SHISA9: variants seen among roughly 807,000 people sequenced by gnomAD.
The protein encoded by SHISA9 is shisa family member 9, also known as protein shisa-9.
In SHISA9, 13 loss-of-function variants were observed where a neutral mutation model predicts 38.0. That is an observed-to-expected ratio of 0.34 (90% confidence interval 0.22 to 0.54). SHISA9 has a LOEUF of 0.54. Among genes scored for constraint, SHISA9 ranks in the 20% least tolerant of loss-of-function variants. SHISA9 has a pLI of 0.91. For synonymous variants in SHISA9, 275 were observed against 242.0 expected, an observed-to-expected ratio of 1.14 and a Z score of -1.27; for missense variants, 538 against 575.8, an observed-to-expected ratio of 0.93 and a Z score of 0.67.
intron 2 of SHISA9, among the ~76,000 whole-genome samples, chr16:12,982,298 T>TC (rs1436534473): frequency 9.2e-5 from 14 of 152,336 alleles, no homozygotes; most frequent in African/African-American, 3.1e-4. Flanking sequence ...AAATTCAGTT[T>TC]CTCTGTCACA....
chr16:13,201,368 T>C lies in SHISA9; in HGVS notation c.692-2026T>C, dbSNP rs534876855. Among the ~76,000 whole-genome samples the C allele has an allele frequency of 2.7e-4, 37 of 136,502 alleles. 2 individuals are homozygous for C. In the South Asian group the frequency reaches 8.3e-3, roughly 31 times the overall value. The allele number at this position is 136,502 out of a possible 152,430, so 89.6% of individuals were successfully genotyped here. A position where few individuals can be genotyped will look rare whatever the true frequency, so the allele number is the denominator to read the frequency against. Reference sequence around the variant, plus strand: ...ATCTCTAGATTACTTATAATACTAGTACAACACAGATGTTATGTAAATAGT... The same window carrying C: ...ATCTCTAGATTACTTATAATACTAGCACAACACAGATGTTATGTAAATAGT... On this transcript the variant is annotated intron_variant, in intron 2 of 4. Transcript: ENST00000558583.
At chr16:13,389,948 T>C in the SHISA9 span, among the ~76,000 whole-genome samples, 3 of 152,192 alleles carry the variant, frequency 2.0e-5, no homozygotes, top group Non-Finnish European at 4.4e-5. Flanking sequence ...TCCATTCTTT[T>C]TTCCACTTAC....
intron 2 of SHISA9, among the ~76,000 whole-genome samples, chr16:13,093,278 A>G (rs1396852304): frequency 6.6e-6 from 1 of 152,182 alleles, no homozygotes; most frequent in East Asian, 1.9e-4. Context: ...GCCTGTCACT[A>G]TAACTGTTGG....
downstream of SHISA9, among the ~76,000 whole-genome samples, chr16:13,243,769 G>C (rs1022396878): frequency 5.6e-5 from 5 of 89,824 alleles, no homozygotes; most frequent in African/African-American, 1.9e-4. Context: ...TTACAGCAGC[G>C]TTTTTTTTTT....
chr16:13,062,336 A>G (rs939545747), intron 2 of SHISA9, among the ~76,000 whole-genome samples: 1 of 152,172 alleles, frequency 6.6e-6, no homozygotes, highest in African/African-American at 2.4e-5. Context: ...GATAAATCCT[A>G]TGGACAAAGA....
chr16:13,211,975 C>A (rs1277401302), intron 3 of SHISA9, among the ~76,000 whole-genome samples: 5 of 152,146 alleles, frequency 3.3e-5, no homozygotes. Context: ...TTAACTTCCT[C>A]ACTCTTCTCT....
At position 12,998,421 on chromosome 16, in the gene SHISA9, G is replaced by T. The variant is rs1334158521; in HGVS notation, c.691+81606G>T. Among the ~76,000 whole-genome samples the T allele has an allele frequency of 2.6e-5, 4 of 152,194 alleles. No individual in the cohort carries two copies. In the South Asian group the frequency reaches 8.3e-4, roughly 32 times the overall value. Reference sequence around the variant, plus strand: ...TGACCCAGCCTCCTTTTGGTATGTAGCTCTACCATCCCTTGGGGTAAAGGT... The same window carrying T: ...TGACCCAGCCTCCTTTTGGTATGTATCTCTACCATCCCTTGGGGTAAAGGT... On this transcript the variant is annotated intron_variant, in intron 2 of 4. Transcript: ENST00000558583.
chr16:13,070,318 T>G (rs2073498399), intron 2 of SHISA9, among the ~76,000 whole-genome samples: 1 of 152,088 alleles, frequency 6.6e-6, no homozygotes, highest in Non-Finnish European at 1.5e-5. Context: ...CTCTCCTCCT[T>G]CCGTATGCCC....
At chr16:13,218,053 TAGGAAGGA>T (rs1190446770) in intron 4 of SHISA9, among the ~76,000 whole-genome samples, 3 of 149,092 alleles carry the variant, frequency 2.0e-5, no homozygotes, top group Non-Finnish European at 3.0e-5. Flanking sequence ...GGAAGGAAGG[TAGGAAGGA>T]AGGAAGGAAA....
the SHISA9 span, among the ~76,000 whole-genome samples, chr16:13,490,181 G>C: frequency 6.6e-6 from 1 of 152,124 alleles, no homozygotes; most frequent in African/African-American, 2.4e-5. Context: ...GATGATGTTG[G>C]CAGAAGCCAT....
intron 2 of SHISA9, among the ~76,000 whole-genome samples, chr16:13,110,960 A>G (rs1210929042): frequency 1.3e-5 from 2 of 152,208 alleles, no homozygotes; most frequent in African/African-American, 4.8e-5. Context: ...GTAAACTCAG[A>G]CATACAAGAG....
the SHISA9 span, among the ~76,000 whole-genome samples, chr16:13,361,162 G>A: frequency 1.3e-5 from 2 of 152,146 alleles, no homozygotes; most frequent in South Asian, 4.1e-4. Context: ...TCAAGATTAA[G>A]AAGGTACACC....
chr16:13,386,683 G>A, the SHISA9 span, among the ~76,000 whole-genome samples: 9 of 152,114 alleles, frequency 5.9e-5, no homozygotes, highest in East Asian at 1.9e-4. Flanking sequence ...TTATACAAAC[G>A]ATGTTATGCT....
intron 4 of SHISA9, among the ~76,000 whole-genome samples, chr16:13,228,486 C>T (rs935545462): frequency 6.6e-6 from 1 of 152,274 alleles, no homozygotes; most frequent in South Asian, 2.1e-4. Flanking sequence ...GAAACAGGAA[C>T]CATTGAATGC....
intron 2 of SHISA9, among the ~76,000 whole-genome samples, chr16:13,037,871 G>C (rs974947098): frequency 2.0e-5 from 3 of 152,140 alleles, no homozygotes; most frequent in Non-Finnish European, 2.9e-5. Context: ...AAAAATCAGA[G>C]CCCTGACTAC....
the SHISA9 span, among the ~76,000 whole-genome samples, chr16:13,276,787 G>T: frequency 5.2e-4 from 79 of 152,056 alleles, no homozygotes; most frequent in African/African-American, 1.8e-3. Flanking sequence ...TTACTGATTT[G>T]TTTGAGTTAG....
At chr16:13,439,028 G>A in the SHISA9 span, among the ~76,000 whole-genome samples, 2 of 152,110 alleles carry the variant, frequency 1.3e-5, no homozygotes, top group African/African-American at 4.8e-5. Flanking sequence ...TGCCCCTAGA[G>A]GACATCATGC....
At chr16:12,975,421 T>G (rs1340661883) in intron 2 of SHISA9, among the ~76,000 whole-genome samples, 1 of 151,980 alleles carries the variant, frequency 6.6e-6, no homozygotes, top group Admixed American at 6.6e-5. Flanking sequence ...GGAGAATCGC[T>G]TGAACCCAGA....
At chr16:13,376,034 C>G in the SHISA9 span, among the ~76,000 whole-genome samples, 1 of 152,118 alleles carries the variant, frequency 6.6e-6, no homozygotes, top group Non-Finnish European at 1.5e-5. Flanking sequence ...TTACAGCAAT[C>G]AAAACAGGTA....
Sources: gnomAD v4.1 joint callset for allele counts (sites outside exome capture counted in the v4.1 genomes callset) on GRCh38, gnomAD v4.1.1 for gene constraint, MANE v1.5 for transcripts, NCBI Gene and HGNC (gene_info 2026-07-23, HGNC 2026-07-21) for gene names.